Variants in CDH12 observed in about 807,000 individuals in gnomAD.
CDH12 encodes the protein cadherin-12.
CDH12 carries 41 observed loss-of-function variants against 74.1 expected under a neutral mutation model. The observed-to-expected ratio is 0.55, with a 90% CI of 0.43 to 0.72. The LOEUF is 0.72. Among genes scored for constraint, CDH12 ranks in the 30% least tolerant of loss-of-function variants. CDH12 has a pLI of 0.00. For missense variants in CDH12, 945 were observed against 977.2 expected (o/e 0.97, Z 0.44); for synonymous variants, 399 against 355.0 (o/e 1.12, Z -1.39).
intron 3 of CDH12, among the ~76,000 whole-genome samples, chr5:22,292,265 G>T (rs1026165838): frequency 6.6e-6 from 1 of 151,424 alleles, no homozygotes; most frequent in Admixed American, 6.6e-5. Context: ...AAATATAGGG[G>T]GTAACCTCTA....
intron 2 of CDH12, among the ~76,000 whole-genome samples, chr5:22,435,347 G>A (rs574275691): frequency 1.7e-4 from 26 of 151,456 alleles, no homozygotes; most frequent in African/African-American, 5.3e-4. Context: ...ATGGCTTATC[G>A]TGAGACCTTG....
At chr5:22,681,457 G>A (rs935891040) in intron 1 of CDH12, among the ~76,000 whole-genome samples, 1 of 151,906 alleles carries the variant, frequency 6.6e-6, no homozygotes, top group Non-Finnish European at 1.5e-5. Context: ...GTAATTAGTG[G>A]AGATCATTGC....
chr5:22,304,451 A>T (rs1580502240), intron 3 of CDH12, among the ~76,000 whole-genome samples: 1 of 152,202 alleles, frequency 6.6e-6, no homozygotes, highest in Non-Finnish European at 1.5e-5. Flanking sequence ...ATACATGTAT[A>T]TATTATTTTC....
intron 1 of CDH12, among the ~76,000 whole-genome samples, chr5:22,716,742 A>G (rs1050376857): frequency 1.3e-5 from 2 of 152,104 alleles, no homozygotes; most frequent in Admixed American, 6.5e-5. Flanking sequence ...ATGTGGAGAT[A>G]AAAAACAGTG....
chr5:22,338,786 A>G (rs1194552702), intron 3 of CDH12, among the ~76,000 whole-genome samples: 4 of 152,216 alleles, frequency 2.6e-5, no homozygotes, highest in African/African-American at 9.6e-5. Context: ...GTGTCATATA[A>G]GATTCTGATC....
intron 2 of CDH12, among the ~76,000 whole-genome samples, chr5:22,422,206 TGTGGGTTTAAATAGTAAGA>T (rs1236865266): frequency 6.6e-6 from 1 of 152,130 alleles, no homozygotes. Flanking sequence ...TGATATTACC[TGTGGGTTTAAATAGTAAGA>T]GTCATAAATG....
At chr5:22,701,943 A>C (rs56200150) in intron 1 of CDH12, among the ~76,000 whole-genome samples, 1 of 152,230 alleles carries the variant, frequency 6.6e-6, no homozygotes, top group African/African-American at 2.4e-5. Context: ...TCCCTGCTTT[A>C]TTTCTTTCCA....
chr5:22,850,965 T>C (rs1737526318), intron 1 of CDH12, among the ~76,000 whole-genome samples: 1 of 152,094 alleles, frequency 6.6e-6, no homozygotes, highest in Non-Finnish European at 1.5e-5. Context: ...TCAACCTATA[T>C]CCCAGACTGT....
chr5:22,125,068 T>C (rs551057764), intron 4 of CDH12, among the ~76,000 whole-genome samples: 2 of 152,310 alleles, frequency 1.3e-5, no homozygotes, highest in South Asian at 4.1e-4. Flanking sequence ...TAAGTTTTTA[T>C]ATTTTCAAGA....
intron 3 of CDH12, among the ~76,000 whole-genome samples, chr5:22,362,982 A>G (rs1277541411): frequency 6.6e-6 from 1 of 151,000 alleles, no homozygotes; most frequent in Non-Finnish European, 1.5e-5. Flanking sequence ...CCTAATGCTA[A>G]ATGACGAGTT....
chr5:22,416,928 A>G (rs1365612687), intron 2 of CDH12, among the ~76,000 whole-genome samples: 1 of 152,106 alleles, frequency 6.6e-6, no homozygotes, highest in Non-Finnish European at 1.5e-5. Flanking sequence ...TTTAATGAAA[A>G]TGATCCTTTC....
chr5:22,613,188 C>A (rs1377075716), intron 1 of CDH12, among the ~76,000 whole-genome samples: 1 of 151,876 alleles, frequency 6.6e-6, no homozygotes, highest in Non-Finnish European at 1.5e-5. Flanking sequence ...AAATGGAAAA[C>A]CTGGAACATT....
chr5:22,308,803 T>TAA (rs1288666894), intron 3 of CDH12, among the ~76,000 whole-genome samples: 1 of 62,716 alleles, frequency 1.6e-5, no homozygotes, highest in Non-Finnish European at 3.3e-5. Context: ...CAAGGGCAAA[T>TAA]ACACAAACAC....
chr5:22,354,709 T>C (rs991806838), intron 3 of CDH12, among the ~76,000 whole-genome samples: 16 of 152,276 alleles, frequency 1.1e-4, no homozygotes, highest in South Asian at 2.1e-4. Flanking sequence ...ATGAATTTCA[T>C]TGGGGAAAAA....
chr5:22,562,197 G>A (rs967245583), intron 1 of CDH12, among the ~76,000 whole-genome samples: 7 of 151,564 alleles, frequency 4.6e-5, no homozygotes, highest in African/African-American at 1.7e-4. Context: ...GGCGCCTGTA[G>A]TCCCAGCTAC....
At chr5:22,670,298 T>C (rs560919501) in intron 1 of CDH12, among the ~76,000 whole-genome samples, 6 of 152,240 alleles carry the variant, frequency 3.9e-5, no homozygotes, top group African/African-American at 1.4e-4. Context: ...GGATTACAAG[T>C]GTGATCCACC....
chr5:21,789,586 C>T (rs1413076663), intron 10 of CDH12, among the ~76,000 whole-genome samples: 7 of 152,102 alleles, frequency 4.6e-5, no homozygotes, highest in Non-Finnish European at 1.0e-4. Flanking sequence ...TCGCATCCTG[C>T]TGCCATTCAT....
At chr5:22,839,761 C>A (rs190338625) in intron 1 of CDH12, among the ~76,000 whole-genome samples, 1 of 152,174 alleles carries the variant, frequency 6.6e-6, no homozygotes. Flanking sequence ...TGTTTGTACA[C>A]GTGCTTGTAT....
At chr5:22,322,546 C>T (rs1738930198) in intron 3 of CDH12, among the ~76,000 whole-genome samples, 1 of 152,024 alleles carries the variant, frequency 6.6e-6, no homozygotes, top group African/African-American at 2.4e-5. Flanking sequence ...ATGATGATGA[C>T]GATGATGATC....
Sources: gnomAD v4.1 joint callset for allele counts (sites outside exome capture counted in the v4.1 genomes callset) on GRCh38, gnomAD v4.1.1 for gene constraint, MANE v1.5 for transcripts, NCBI Gene and HGNC (gene_info 2026-07-23, HGNC 2026-07-21) for gene names.